The following GALNTL6 variants were observed in gnomAD, a reference collection of about 807,000 sequenced individuals.
GALNTL6 encodes the protein polypeptide N-acetylgalactosaminyltransferase like 6, also known as polypeptide N-acetylgalactosaminyltransferase-like 6.
In GALNTL6, 46 loss-of-function variants were observed where a neutral mutation model predicts 73.7. The observed-to-expected ratio is 0.62, with a 90% CI of 0.49 to 0.80. The LOEUF (loss-of-function observed/expected upper bound fraction) is 0.80. Ranked by LOEUF, GALNTL6 falls within the 30% of genes least tolerant of loss-of-function variation. GALNTL6 has a pLI of 0.00. For synonymous variants in GALNTL6, 259 were observed against 263.7 expected, an observed-to-expected ratio of 0.98 and a Z score of 0.17; for missense variants, 604 against 755.0, an observed-to-expected ratio of 0.80 and a Z score of 2.34.
chr4:172,561,495 A>G (rs1305910889), intron 5 of GALNTL6, among the ~76,000 whole-genome samples: 5 of 152,132 alleles, frequency 3.3e-5, no homozygotes, highest in Non-Finnish European at 7.3e-5. Flanking sequence ...TCACGTTTTA[A>G]GTATTATTTG....
chr4:172,092,115 C>T (rs931167555), intron 2 of GALNTL6, among the ~76,000 whole-genome samples: 1 of 151,844 alleles, frequency 6.6e-6, no homozygotes, highest in Non-Finnish European at 1.5e-5. Context: ...CAAAATACTT[C>T]AGGATTTGCA....
Position 172,100,599 on chromosome 4 carries a change from T to C in GALNTL6, c.139-129057T>C, listed in dbSNP as rs1037945810. ...ATTAAGCAAAAATAATTATTAGCTA[T>C]AATTAATTGAATGTTTATCATGTTC... On this transcript the variant is annotated intron_variant, in intron 2 of 12. Transcript: ENST00000506823. 4.6e-5 allele frequency among the ~76,000 whole-genome samples: 7 copies of C among 152,304 alleles called. No homozygotes were observed. In the South Asian group the frequency reaches 1.0e-3, roughly 23 times the overall value.
intron 5 of GALNTL6, among the ~76,000 whole-genome samples, chr4:172,529,881 T>TTATTTATTTATTTATTTATC (rs1303848703): frequency 6.7e-6 from 1 of 149,356 alleles, no homozygotes; most frequent in Non-Finnish European, 1.5e-5. Context: ...ATTTATTTAT[T>TTATTTATTTATTTATTTATC]TATTTATTTA....
chr4:172,256,655 T>C (rs1738088098), intron 3 of GALNTL6, among the ~76,000 whole-genome samples: 1 of 151,454 alleles, frequency 6.6e-6, no homozygotes, highest in African/African-American at 2.4e-5. Flanking sequence ...TTCCACTGAC[T>C]CTTTTCTCTA....
intron 7 of GALNTL6, among the ~76,000 whole-genome samples, chr4:172,855,499 A>G (rs551113127): frequency 3.0e-4 from 45 of 152,332 alleles, no homozygotes; most frequent in Non-Finnish European, 4.7e-4. Flanking sequence ...AAATGACTGC[A>G]GCTTGAGAAA....
At chr4:172,160,748 A>G (rs1260550375) in intron 2 of GALNTL6, among the ~76,000 whole-genome samples, 2 of 151,882 alleles carry the variant, frequency 1.3e-5, no homozygotes, top group East Asian at 3.9e-4. Context: ...ATAAATTTAT[A>G]TACTATAAAT....
intron 3 of GALNTL6, among the ~76,000 whole-genome samples, chr4:172,232,108 G>T (rs573960187): frequency 1.3e-5 from 2 of 151,586 alleles, no homozygotes; most frequent in African/African-American, 4.8e-5. Context: ...AGACATACGT[G>T]TGTGTACACA....
chr4:171,931,380 A>G (rs1374527112), intron 2 of GALNTL6, among the ~76,000 whole-genome samples: 3 of 152,206 alleles, frequency 2.0e-5, no homozygotes, highest in Non-Finnish European at 4.4e-5. Context: ...CTAGTCCAGC[A>G]GAATTTTACT....
chr4:172,078,083 C>T (rs1217767640), intron 2 of GALNTL6, among the ~76,000 whole-genome samples: 1 of 152,142 alleles, frequency 6.6e-6, no homozygotes, highest in African/African-American at 2.4e-5. Context: ...GGTTTGAGAA[C>T]CTCCACCTAG....
At chr4:172,282,911 C>T (rs71607878) in intron 3 of GALNTL6, among the ~76,000 whole-genome samples, 2,972 of 152,198 alleles carry the variant, frequency 0.02, 98 homozygotes, top group African/African-American at 0.068. Flanking sequence ...GTGCATGATA[C>T]GGTTTATTCA....
Position 172,813,583 on chromosome 4 carries a change from C to T in GALNTL6, c.783C>T (p.Ile261=), listed in dbSNP as rs1458168996. The T allele has an allele frequency of 1.7e-5, 28 of 1,612,184 alleles. No homozygotes were observed. In the Admixed American group the frequency reaches 4.2e-4, roughly 24 times the overall value. The part of the protein sequence containing the change: ...LNHKTIVCPM[I]DVIDHNHFGY... ...ACAAAACCATCGTGTGTCCCATGAT[C>T]GATGTCATTGACCACAATCACTTCG... Residue 261 remains isoleucine (I), a synonymous_variant, in exon 7 of 13, where the codon ATC becomes ATT. Coordinates refer to ENST00000506823, the MANE Select transcript of GALNTL6 (RefSeq NM_001034845.3).
intron 5 of GALNTL6, among the ~76,000 whole-genome samples, chr4:172,548,177 G>C (rs1475469137): frequency 2.1e-4 from 1 of 4,796 alleles, no homozygotes; most frequent in African/African-American, 4.4e-4. Flanking sequence ...GTCAATGAAG[G>C]GTCAAAAGAA....
intron 5 of GALNTL6, among the ~76,000 whole-genome samples, chr4:172,726,482 A>G (rs1338635118): frequency 2.6e-5 from 4 of 152,198 alleles, no homozygotes; most frequent in Non-Finnish European, 4.4e-5. Context: ...TCAGCCAAGC[A>G]ATCTGAAGCT....
At chr4:172,686,916 C>T (rs1732949601) in intron 5 of GALNTL6, among the ~76,000 whole-genome samples, 2 of 152,090 alleles carry the variant, frequency 1.3e-5, no homozygotes, top group African/African-American at 2.4e-5. Context: ...TATAAAAATT[C>T]CTTATAGGAG....
At chr4:171,883,244 C>T (rs1560825410) in intron 2 of GALNTL6, among the ~76,000 whole-genome samples, 2 of 152,048 alleles carry the variant, frequency 1.3e-5, no homozygotes, top group East Asian at 3.9e-4. Context: ...CCCAGCTGCT[C>T]AGGAAGCTGA....
At chr4:171,960,411 G>A (rs751078742) in intron 2 of GALNTL6, among the ~76,000 whole-genome samples, 1 of 151,776 alleles carries the variant, frequency 6.6e-6, no homozygotes, top group Non-Finnish European at 1.5e-5. Flanking sequence ...CGAGTAACAG[G>A]GTTTTACAGG....
intron 4 of GALNTL6, among the ~76,000 whole-genome samples, chr4:172,312,939 A>G (rs1454287392): frequency 6.6e-6 from 1 of 152,096 alleles, no homozygotes. Context: ...CAGGCCTTTT[A>G]ACCAGCCAAA....
At chr4:171,982,539 T>C (rs975490426) in intron 2 of GALNTL6, among the ~76,000 whole-genome samples, 239 of 152,120 alleles carry the variant, frequency 1.6e-3, no homozygotes, top group African/African-American at 4.8e-3. Context: ...ACCTCGTGAT[T>C]CGCCCGCCTC....
intron 5 of GALNTL6, among the ~76,000 whole-genome samples, chr4:172,623,390 A>C (rs1488660340): frequency 6.6e-6 from 1 of 152,150 alleles, no homozygotes; most frequent in Non-Finnish European, 1.5e-5. Context: ...ATTAGAAGAA[A>C]GATGAAAGAA....
Sources: gnomAD v4.1 joint callset for allele counts (sites outside exome capture counted in the v4.1 genomes callset) on GRCh38, gnomAD v4.1.1 for gene constraint, MANE v1.5 for transcripts, NCBI Gene and HGNC (gene_info 2026-07-23, HGNC 2026-07-21) for gene names.